The following TAFA1 variants were observed in gnomAD, a reference collection of about 807,000 sequenced individuals.
TAFA1 encodes chemokine-like protein TAFA-1.
TAFA1 carries 4 observed loss-of-function variants against 18.5 expected under a neutral mutation model. The observed-to-expected ratio is 0.22, with a 90% CI of 0.11 to 0.49. The LOEUF (loss-of-function observed/expected upper bound fraction) is 0.49. Among genes scored for constraint, TAFA1 ranks in the 20% least tolerant of loss-of-function variants. TAFA1 has a pLI of 0.98. For synonymous variants in TAFA1, 56 were observed against 55.2 expected (o/e 1.01, Z -0.06); for missense variants, 147 against 169.0 (o/e 0.87, Z 0.72).
intron 2 of TAFA1, among the ~76,000 whole-genome samples, chr3:68,048,231 A>G (rs1043664387): frequency 1.3e-5 from 2 of 152,162 alleles, no homozygotes; most frequent in African/African-American, 2.4e-5. Flanking sequence ...TGGGGAAAAT[A>G]GACATATGTG....
chr3:68,428,315 T>C (rs546365966), intron 3 of TAFA1, among the ~76,000 whole-genome samples: 1 of 152,048 alleles, frequency 6.6e-6, no homozygotes, highest in Non-Finnish European at 1.5e-5. Context: ...GAGAACACTG[T>C]ACTTGACAGC....
intron 3 of TAFA1, among the ~76,000 whole-genome samples, chr3:68,481,400 A>T (rs78077789): frequency 1.3e-5 from 2 of 152,326 alleles, no homozygotes; most frequent in African/African-American, 2.4e-5. Flanking sequence ...GTCTTGCTCA[A>T]ACTGCTAAAA....
In TAFA1 at chr3:68,198,988, T is replaced by C. The variant is rs921809960; in HGVS notation, c.118+192244T>C. 4.6e-5 allele frequency among the ~76,000 whole-genome samples: 7 copies of C among 151,666 alleles called. No homozygotes were observed. In the Middle Eastern group the frequency reaches 0.01, roughly 221 times the overall value. On this transcript the variant is annotated intron_variant, in intron 2 of 4. Transcript: ENST00000478136. ...ATTTCTTTTATGTTATCTTCTAGGA[T>C]TTTTATAGCTTTGCATTTTGCATTT...
chr3:68,128,840 A>G (rs1158892220), intron 2 of TAFA1, among the ~76,000 whole-genome samples: 2 of 152,244 alleles, frequency 1.3e-5, no homozygotes, highest in East Asian at 3.8e-4. Flanking sequence ...AGAAAGAGAG[A>G]AAAGGAAGCC....
intron 2 of TAFA1, among the ~76,000 whole-genome samples, chr3:68,150,394 T>C (rs1220313825): frequency 6.6e-6 from 1 of 152,212 alleles, no homozygotes; most frequent in Non-Finnish European, 1.5e-5. Flanking sequence ...ACCTCAGCCA[T>C]TGACTTAAAT....
chr3:68,088,529 G>A (rs1357241988), intron 2 of TAFA1, among the ~76,000 whole-genome samples: 3 of 152,152 alleles, frequency 2.0e-5, no homozygotes, highest in Non-Finnish European at 4.4e-5. Flanking sequence ...CTGAAAATGA[G>A]AGCACAGTGC....
intron 2 of TAFA1, among the ~76,000 whole-genome samples, chr3:68,346,140 T>A (rs750941697): frequency 1.3e-5 from 2 of 152,132 alleles, no homozygotes; most frequent in Non-Finnish European, 2.9e-5. Context: ...AATTAAGTTT[T>A]GTGTGTGTGT....
At chr3:68,176,308 C>A (rs897599735) in intron 2 of TAFA1, among the ~76,000 whole-genome samples, 4 of 152,056 alleles carry the variant, frequency 2.6e-5, no homozygotes, top group African/African-American at 9.7e-5. Flanking sequence ...ATATTGAGAC[C>A]CTGTTTCTAC....
intron 2 of TAFA1, among the ~76,000 whole-genome samples, chr3:68,289,819 C>G (rs4593037): frequency 0.67 from 101,391 of 152,116 alleles, 34,661 homozygotes; most frequent in East Asian, 0.9. Context: ...ATTTAAGATT[C>G]AGCAGGCAAG....
chr3:68,305,388 T>TGACTATATATAA lies in TAFA1; in HGVS notation c.119-111882_119-111881insAAGACTATATAT, dbSNP rs1553671929. 2.9e-3 allele frequency among the ~76,000 whole-genome samples: 331 copies of TGACTATATATAA among 115,164 alleles called. 20 individuals are homozygous for TGACTATATATAA. In the East Asian group the frequency reaches 0.035, roughly 12 times the overall value. 75.6% of individuals were successfully genotyped at this position (115,164 alleles called of 152,430 possible). ...CTATATATAAATGGCTATATATATATGACTATATATGACTATATGACTATA... is the reference window on the plus strand; with the variant it reads ...CTATATATAAATGGCTATATATATATGACTATATATAAGACTATATATGACTATATGACTATA... On this transcript the variant is annotated intron_variant, in intron 2 of 4. Transcript: ENST00000478136.
rs182302576 is a variant in TAFA1 at position 68,332,292 on chromosome 3, C to T, written c.119-84988C>T. ...AAATGGATTAAAGATCTAAATGTAACATCTGAAACCATAAAACTCCTAGGA... is the reference window on the plus strand; with the variant it reads ...AAATGGATTAAAGATCTAAATGTAATATCTGAAACCATAAAACTCCTAGGA... On this transcript the variant is annotated intron_variant, in intron 2 of 4. Transcript: ENST00000478136. Among the ~76,000 whole-genome samples the T allele has an allele frequency of 4.6e-3, 705 of 151,644 alleles. 6 individuals are homozygous for T. Among genetic ancestry groups the T allele is most frequent in the African/African-American group, 0.016 (660 of 41,384 alleles).
intron 2 of TAFA1, among the ~76,000 whole-genome samples, chr3:68,217,427 G>A (rs2066673191): frequency 6.6e-6 from 1 of 151,896 alleles, no homozygotes; most frequent in African/African-American, 2.4e-5. Flanking sequence ...ACAAGAAAAA[G>A]TTTGAGAAAC....
At chr3:68,486,567 T>A (rs1418333661) in intron 3 of TAFA1, among the ~76,000 whole-genome samples, 2 of 152,166 alleles carry the variant, frequency 1.3e-5, no homozygotes, top group Non-Finnish European at 1.5e-5. Context: ...TAAGACTGTT[T>A]CCTCATATAT....
At chr3:68,404,477 G>C (rs1022338263) in intron 2 of TAFA1, among the ~76,000 whole-genome samples, 1 of 152,116 alleles carries the variant, frequency 6.6e-6, no homozygotes, top group Non-Finnish European at 1.5e-5. Context: ...CATCTATGGA[G>C]TTGTGGGCAG....
At chr3:68,379,200 A>T (rs2069879421) in intron 2 of TAFA1, among the ~76,000 whole-genome samples, 1 of 152,118 alleles carries the variant, frequency 6.6e-6, no homozygotes, top group Non-Finnish European at 1.5e-5. Flanking sequence ...AATAATACCC[A>T]TTCTGATTTG....
intron 2 of TAFA1, among the ~76,000 whole-genome samples, chr3:68,024,078 T>C (rs1012916894): frequency 2.0e-5 from 3 of 152,208 alleles, no homozygotes; most frequent in African/African-American, 7.2e-5. Flanking sequence ...TGCTGTTTGC[T>C]TCAGATGAAA....
At position 68,142,078 on chromosome 3, in the gene TAFA1, G is replaced by A. The variant is rs536259960; in HGVS notation, c.118+135334G>A. On this transcript the variant is annotated intron_variant, in intron 2 of 4. Transcript: ENST00000478136. ...TCTGCCCTTTTACCTCTAGCTTAGCGGAGTTACCTAGATCCCACATGGCAT... is the reference window on the plus strand; with the variant it reads ...TCTGCCCTTTTACCTCTAGCTTAGCAGAGTTACCTAGATCCCACATGGCAT... 2.2e-4 allele frequency among the ~76,000 whole-genome samples: 34 copies of A among 152,172 alleles called. 1 individual carries two copies. In the East Asian group the frequency reaches 2.3e-3, roughly 10 times the overall value.
At chr3:68,116,716 A>G (rs1559526227) in intron 2 of TAFA1, among the ~76,000 whole-genome samples, 3 of 152,280 alleles carry the variant, frequency 2.0e-5, no homozygotes, top group East Asian at 1.9e-4. Flanking sequence ...GCTAAAATAT[A>G]AGCTTCATGA....
At chr3:68,516,831 A>G (rs1053186184) in intron 3 of TAFA1, among the ~76,000 whole-genome samples, 8 of 152,010 alleles carry the variant, frequency 5.3e-5, no homozygotes, top group Admixed American at 2.0e-4. Context: ...CTGGAGTGCA[A>G]TGGAGCATCT....
Sources: allele counts gnomAD v4.1 joint callset (sites outside exome capture counted in the v4.1 genomes callset), GRCh38; gene constraint gnomAD v4.1.1; transcripts MANE v1.5; gene names NCBI Gene and HGNC (gene_info 2026-07-23, HGNC 2026-07-21).